Variants in UPB1 observed in about 807,000 individuals in gnomAD.
UPB1 encodes beta-ureidopropionase 1.
In UPB1, 40 loss-of-function variants were observed where a neutral mutation model predicts 49.1. The observed-to-expected ratio is 0.81, with a 90% CI of 0.63 to 1.06. UPB1 has a LOEUF of 1.06. Among genes scored for constraint, UPB1 ranks in the 50% least tolerant of loss-of-function variants. The probability of loss-of-function intolerance (pLI) is 0.00; values close to 1 mark genes in which losing one functional copy is unlikely to be tolerated. For missense variants in UPB1, 499 were observed against 505.9 expected (o/e 0.99, Z 0.13); for synonymous variants, 207 against 198.2 (o/e 1.04, Z -0.38).
intron 1 of UPB1, among the ~76,000 whole-genome samples, chr22:24,496,661 T>C (rs1266120795): frequency 2.6e-5 from 4 of 152,038 alleles, no homozygotes; most frequent in African/African-American, 9.7e-5. Context: ...GCTGGGCTTG[T>C]TGAGCTGCCC....
At chr22:24,511,612 A>ATTTTTT (rs201206994) in intron 4 of UPB1, among the ~76,000 whole-genome samples, 8 of 90,682 alleles carry the variant, frequency 8.8e-5, no homozygotes, top group Non-Finnish European at 1.4e-4. Context: ...ATATATATAT[A>ATTTTTT]TATATATTTT....
intron 1 of UPB1, among the ~76,000 whole-genome samples, chr22:24,496,324 T>C (rs931065386): frequency 2.0e-5 from 3 of 150,876 alleles, no homozygotes; most frequent in African/African-American, 7.3e-5. Context: ...TGAGCCAAAA[T>C]CTCTCCTCTG....
At chr22:24,497,908 G>T (rs2043922007) in intron 1 of UPB1, among the ~76,000 whole-genome samples, 1 of 152,170 alleles carries the variant, frequency 6.6e-6, no homozygotes, top group African/African-American at 2.4e-5. Flanking sequence ...AGTGAACACT[G>T]TCCTCAGCCT....
At chr22:24,519,833 T>A (rs2044356079) in intron 6 of UPB1, 2 of 197,182 alleles carry the variant, frequency 1.0e-5, no homozygotes, top group African/African-American at 4.7e-5. Flanking sequence ...GTAGGGCAGG[T>A]ACAGCCTGTG....
intron 4 of UPB1, among the ~76,000 whole-genome samples, chr22:24,512,887 C>A (rs2147025446): frequency 6.6e-6 from 1 of 152,334 alleles, no homozygotes; most frequent in South Asian, 2.1e-4. Context: ...AATGATACTC[C>A]ATTGTATGGA....
At chr22:24,523,509 A>G (rs2044431825) in intron 8 of UPB1, 110 bp from the exon 9 acceptor site, 1 of 1,503,106 alleles carries the variant, frequency 6.7e-7, no homozygotes, top group African/African-American at 1.4e-5. Context: ...GACACTGGGG[A>G]GGATGGCATG....
At chr22:24,519,919 C>T (rs2044357386) in intron 6 of UPB1, 1 of 274,040 alleles carries the variant, frequency 3.6e-6, no homozygotes, top group Admixed American at 5.0e-5. Context: ...GAGGTTCTGC[C>T]CAGCCCAGCA....
Position 24,499,330 on chromosome 22 carries a change from C to T in UPB1, c.105-777C>T, listed in dbSNP as rs565255950. 2.6e-5 allele frequency among the ~76,000 whole-genome samples: 4 copies of T among 152,310 alleles called. No homozygotes were observed. In the South Asian group the frequency reaches 8.3e-4, roughly 32 times the overall value. On this transcript the variant is annotated intron_variant, in intron 1 of 9. Transcript: ENST00000326010. ...AATCATCTTGCGCTTAGATGGTAAG[C>T]CCTTCCTGGCTAGGGGCCGTGTCCC... is the stretch of plus-strand genomic sequence containing the variant.
At chr22:24,518,164 A>T (rs1176900532) in intron 6 of UPB1, 2 of 152,214 alleles carry the variant, frequency 1.3e-5, no homozygotes, top group Admixed American at 1.3e-4. Context: ...GACAGAAAAA[A>T]AAAACAGGGA....
At chr22:24,519,251 T>C (rs1055098526) in intron 6 of UPB1, among the ~76,000 whole-genome samples, 2 of 152,024 alleles carry the variant, frequency 1.3e-5, no homozygotes, top group African/African-American at 4.8e-5. Flanking sequence ...TCCTGAGAAT[T>C]AGGCTTATGA....
At chr22:24,519,557 C>T (rs144683177) in intron 6 of UPB1, among the ~76,000 whole-genome samples, 38 of 152,290 alleles carry the variant, frequency 2.5e-4, no homozygotes, top group African/African-American at 8.7e-4. Context: ...AGGCCCACAG[C>T]TCAGCCAAGC....
At chr22:24,514,236 G>A (rs1429243638) in intron 5 of UPB1, among the ~76,000 whole-genome samples, 1 of 152,128 alleles carries the variant, frequency 6.6e-6, no homozygotes, top group Non-Finnish European at 1.5e-5. Flanking sequence ...AGGCTGGTCA[G>A]GCAGATAAGA....
At chr22:24,516,959 T>C (rs1423962453) in intron 6 of UPB1, among the ~76,000 whole-genome samples, 4 of 152,158 alleles carry the variant, frequency 2.6e-5, no homozygotes, top group Non-Finnish European at 4.4e-5. Flanking sequence ...CTCCTGACCT[T>C]GTGATCCACC....
intron 9 of UPB1, 95 bp from the exon 10 acceptor site, chr22:24,525,616 C>A: frequency 1.4e-6 from 2 of 1,465,608 alleles, no homozygotes; most frequent in African/African-American, 1.4e-5. Context: ...GTTCCTGCCC[C>A]ATGACTGCCC....
At chr22:24,509,519 A>G (rs553066619) in intron 3 of UPB1, among the ~76,000 whole-genome samples, 4 of 152,100 alleles carry the variant, frequency 2.6e-5, no homozygotes, top group Non-Finnish European at 4.4e-5. Context: ...GTGGTTCCCA[A>G]ACTTTTTGTG....
intron 3 of UPB1, among the ~76,000 whole-genome samples, chr22:24,509,321 A>G (rs529527537): frequency 8.8e-5 from 12 of 136,464 alleles, no homozygotes; most frequent in African/African-American, 3.0e-4. Flanking sequence ...GATGACCAGT[A>G]TCTTTGAACT....
chr22:24,520,521 G>T, intron 7 of UPB1, 53 bp downstream of exon 7: 1 of 1,590,600 alleles, frequency 6.3e-7, no homozygotes. Context: ...TGGCTCTGGT[G>T]GGGACACCCC....
chr22:24,525,211 G>A (rs2044462506), intron 9 of UPB1, among the ~76,000 whole-genome samples: 1 of 151,590 alleles, frequency 6.6e-6, no homozygotes, highest in African/African-American at 2.4e-5. Context: ...CTTGGGAAAG[G>A]AGGGAGGGAG....
At chr22:24,499,013 C>G (rs1568978609) in intron 1 of UPB1, among the ~76,000 whole-genome samples, 1 of 152,206 alleles carries the variant, frequency 6.6e-6, no homozygotes, top group Non-Finnish European at 1.5e-5. Context: ...AAGGCAGTCA[C>G]AGCAAGGAGA....
Sources: gnomAD v4.1 joint callset for allele counts (sites outside exome capture counted in the v4.1 genomes callset) on GRCh38, gnomAD v4.1.1 for gene constraint, MANE v1.5 for transcripts, NCBI Gene and HGNC (gene_info 2026-07-23, HGNC 2026-07-21) for gene names.